Variants in PAN3 observed in about 807,000 individuals in gnomAD.
The protein encoded by PAN3 is poly(A) specific ribonuclease subunit PAN3.
A neutral mutation model predicts 96.2 loss-of-function variants in PAN3; 19 were observed. The ratio of observed to expected loss-of-function variants is 0.20; its 90% CI spans 0.14 to 0.29. The LOEUF is 0.29. Ranked by LOEUF, PAN3 falls within the 10% of genes least tolerant of loss-of-function variation. The pLI is 1.00. For synonymous variants in PAN3, 433 were observed against 406.6 expected (o/e 1.06, Z -0.78); for missense variants, 882 against 1,108.1 (o/e 0.80, Z 2.90).
intron 6 of PAN3, among the ~76,000 whole-genome samples, chr13:28,230,617 C>T (rs1209361098): frequency 6.6e-6 from 1 of 152,090 alleles, no homozygotes; most frequent in African/African-American, 2.4e-5. Context: ...AAATAAGAGG[C>T]ACTTATTGAT....
In PAN3 at chr13:28,280,781, G is replaced by C. The variant is rs926127400; in HGVS notation, c.2319+240G>C. Among the ~76,000 whole-genome samples the C allele has an allele frequency of 1.3e-3, 197 of 151,644 alleles. 4 individuals are homozygous for C. The highest frequency in any genetic ancestry group is 3.4e-4 in the Non-Finnish European group (23 of 67,892). ...TCACCATGTTGGCCAGGCTGGTCTT[G>C]AGCTCCTGAGCTCAAGTGATCCGCC... On this transcript the variant is annotated intron_variant, in intron 16 of 18. Transcript: ENST00000380958.
chr13:28,153,719 A>C (rs569791977), intron 1 of PAN3, among the ~76,000 whole-genome samples: 1 of 152,342 alleles, frequency 6.6e-6, no homozygotes, highest in East Asian at 1.9e-4. Flanking sequence ...ACACACGTAC[A>C]AAAGACGAAC....
chr13:28,189,537 A>AC (rs1876943901), intron 4 of PAN3, among the ~76,000 whole-genome samples: 1 of 142,870 alleles, frequency 7.0e-6, no homozygotes, highest in African/African-American at 2.5e-5. Context: ...AACAAAACAA[A>AC]ACAAAAAAAC....
intron 6 of PAN3, among the ~76,000 whole-genome samples, chr13:28,239,312 T>A (rs1883428563): frequency 6.6e-6 from 1 of 152,106 alleles, no homozygotes; most frequent in African/African-American, 2.4e-5. Context: ...TCCCTTCATA[T>A]TTTTTCCCAG....
At chr13:28,246,592 T>A (rs1160576198) in intron 6 of PAN3, among the ~76,000 whole-genome samples, 1 of 152,194 alleles carries the variant, frequency 6.6e-6, no homozygotes, top group Admixed American at 6.5e-5. Flanking sequence ...CCAACACTTC[T>A]CAACTTCTGG....
intron 6 of PAN3, among the ~76,000 whole-genome samples, chr13:28,244,027 A>G (rs1251345571): frequency 2.6e-5 from 4 of 152,158 alleles, no homozygotes; most frequent in African/African-American, 4.8e-5. Context: ...GAAAAGATGC[A>G]TCTTTTTAAT....
intron 3 of PAN3, 42 bp downstream of exon 3, chr13:28,176,601 A>G (rs962073460): frequency 3.2e-6 from 5 of 1,559,512 alleles, no homozygotes; most frequent in Admixed American, 1.7e-5. Flanking sequence ...CTGTGTATAT[A>G]TTTCTTACTC....
At chr13:28,189,605 G>C (rs918275273) in intron 4 of PAN3, among the ~76,000 whole-genome samples, 6 of 152,056 alleles carry the variant, frequency 3.9e-5, no homozygotes, top group African/African-American at 1.2e-4. Context: ...TTGCGATGCT[G>C]AATTTTTAAA....
intron 6 of PAN3, among the ~76,000 whole-genome samples, chr13:28,237,546 C>T (rs1355982994): frequency 6.6e-6 from 1 of 152,112 alleles, no homozygotes; most frequent in Non-Finnish European, 1.5e-5. Context: ...TGTGAACCCC[C>T]AAACCTAAAG....
At chr13:28,150,747 T>C in intron 1 of PAN3, among the ~76,000 whole-genome samples, 1 of 152,200 alleles carries the variant, frequency 6.6e-6, no homozygotes, top group African/African-American at 2.4e-5. Context: ...AAATGGAGAT[T>C]AATTCATTTA....
rs7326160 is a variant in PAN3 at position 28,228,661 on chromosome 13, T to G, written c.1000+8283T>G. Among the ~76,000 whole-genome samples, 1,153 of 152,204 alleles carry G rather than the reference T, an allele frequency of 7.6e-3. 10 individuals are homozygous for G. The highest frequency in any genetic ancestry group is 0.013 in the Non-Finnish European group (852 of 67,992). On this transcript the variant is annotated intron_variant, in intron 6 of 18. Coordinates refer to ENST00000380958, the MANE Select transcript of PAN3 (RefSeq NM_175854.8). ...GGTGGGGGTACCTTTGAGAAAACAG[T>G]AAAATTAACAGTAAACAATAACATT...
chr13:28,238,768 G>C (rs1883332140), intron 6 of PAN3, among the ~76,000 whole-genome samples: 1 of 152,096 alleles, frequency 6.6e-6, no homozygotes, highest in Non-Finnish European at 1.5e-5. Context: ...AAATTAGCTT[G>C]AGCTCTTTAG....
At chr13:28,198,366 C>T (rs1043624544) in intron 5 of PAN3, among the ~76,000 whole-genome samples, 1 of 151,738 alleles carries the variant, frequency 6.6e-6, no homozygotes, top group South Asian at 2.1e-4. Flanking sequence ...CAAGATGCTT[C>T]ATATGTTGTC....
chr13:28,212,411 A>G (rs1164028602), intron 5 of PAN3, among the ~76,000 whole-genome samples: 1 of 152,204 alleles, frequency 6.6e-6, no homozygotes, highest in African/African-American at 2.4e-5. Context: ...GAATATGAAA[A>G]TATCCAGCAC....
At chr13:28,283,145 A>T (rs1210538588) in intron 17 of PAN3, among the ~76,000 whole-genome samples, 1 of 151,634 alleles carries the variant, frequency 6.6e-6, no homozygotes, top group African/African-American at 2.4e-5. Flanking sequence ...GCCTCCCAGG[A>T]TCAAGCGATT....
intron 1 of PAN3, among the ~76,000 whole-genome samples, chr13:28,156,485 T>C (rs1872181322): frequency 6.6e-6 from 1 of 152,072 alleles, no homozygotes; most frequent in Non-Finnish European, 1.5e-5. Flanking sequence ...CATATTAATA[T>C]AAAGAGCTGG....
intron 5 of PAN3, among the ~76,000 whole-genome samples, chr13:28,198,491 C>T (rs1332129788): frequency 6.6e-6 from 1 of 152,126 alleles, no homozygotes; most frequent in Non-Finnish European, 1.5e-5. Flanking sequence ...TACATTCCAT[C>T]TTTGACTGTA....
intron 1 of PAN3, among the ~76,000 whole-genome samples, chr13:28,173,457 G>A (rs548521873): frequency 4.6e-5 from 7 of 152,174 alleles, no homozygotes; most frequent in East Asian, 1.9e-4. Flanking sequence ...GTACATTTTC[G>A]TTATGGATGT....
intron 4 of PAN3, among the ~76,000 whole-genome samples, chr13:28,185,698 A>T (rs1876370122): frequency 6.6e-6 from 1 of 152,112 alleles, no homozygotes; most frequent in Non-Finnish European, 1.5e-5. Flanking sequence ...TTTTATATAC[A>T]GTTTGTAATA....
Sources: gnomAD v4.1 joint callset for allele counts (sites outside exome capture counted in the v4.1 genomes callset) on GRCh38, gnomAD v4.1.1 for gene constraint, MANE v1.5 for transcripts, NCBI Gene and HGNC (gene_info 2026-07-23, HGNC 2026-07-21) for gene names.